ZFHX3: variants seen among roughly 807,000 people sequenced by gnomAD.
The protein encoded by ZFHX3 is zinc finger homeobox 3.
Under a neutral mutation model 279.1 loss-of-function variants are expected in ZFHX3, and 42 were observed. The observed-to-expected ratio is 0.15, with a 90% CI of 0.12 to 0.19. ZFHX3 has a LOEUF of 0.19. ZFHX3 is among the 10% of genes least tolerant of loss of function. ZFHX3 has a pLI of 1.00. For synonymous variants in ZFHX3, 2,293 were observed against 1,957.8 expected (o/e 1.17, Z -4.52); for missense variants, 4,981 against 4,754.0 (o/e 1.05, Z -1.40).
At chr16:73,879,879 T>C (rs567372407) in intron 1 of ZFHX3, among the ~76,000 whole-genome samples, 15 of 152,212 alleles carry the variant, frequency 9.9e-5, no homozygotes, top group African/African-American at 3.6e-4. Context: ...CATTGTTAGA[T>C]GTCCCCTGGG....
At chr16:73,135,306 A>T (rs1402958459) in intron 6 of ZFHX3, among the ~76,000 whole-genome samples, 2 of 152,250 alleles carry the variant, frequency 1.3e-5, no homozygotes, top group South Asian at 2.1e-4. Context: ...TTCATTCACC[A>T]GCTCAATATG....
At chr16:73,457,024 T>C (rs2018383706) in intron 2 of ZFHX3, among the ~76,000 whole-genome samples, 1 of 152,124 alleles carries the variant, frequency 6.6e-6, no homozygotes, top group African/African-American at 2.4e-5. Flanking sequence ...TGGAAGGAAA[T>C]CTACTGATTA....
At chr16:72,906,375 C>A (rs1219736347) in intron 3 of ZFHX3, among the ~76,000 whole-genome samples, 2 of 151,870 alleles carry the variant, frequency 1.3e-5, no homozygotes, top group Non-Finnish European at 2.9e-5. Context: ...GATGATCGCA[C>A]TGGGGGGGCA....
intron 3 of ZFHX3, among the ~76,000 whole-genome samples, chr16:72,917,649 C>A (rs191495171): frequency 6.6e-6 from 1 of 152,282 alleles, no homozygotes; most frequent in East Asian, 1.9e-4. Flanking sequence ...AAGATACACA[C>A]AGTATCATTT....
intron 1 of ZFHX3, among the ~76,000 whole-genome samples, chr16:73,824,023 G>C (rs1202479633): frequency 6.6e-6 from 1 of 152,174 alleles, no homozygotes; most frequent in African/African-American, 2.4e-5. Flanking sequence ...GACATCTCAA[G>C]TTGATTCCCT....
intron 1 of ZFHX3, among the ~76,000 whole-genome samples, chr16:73,682,904 A>AAGAAAG (rs2053031072): frequency 6.7e-5 from 3 of 44,758 alleles, no homozygotes; most frequent in African/African-American, 2.5e-4. Context: ...GAAAGAAAGA[A>AAGAAAG]AGAGAAAGAA....
At position 73,798,942 on chromosome 16, in the gene ZFHX3, T is replaced by G. The variant is rs144239473; in HGVS notation, c.-1608+92709A>C. 2.2e-3 allele frequency among the ~76,000 whole-genome samples: 333 copies of G among 152,314 alleles called. 5 individuals carry two copies. The highest frequency in any genetic ancestry group is 7.0e-3 in the African/African-American group (289 of 41,570). The stretch of plus-strand genomic sequence containing the variant: ...GGCTTCTTCAAATGTCCTGCTAACA[T>G]TAAATAATCAGAAACAGACTCCTAG... On this transcript the variant is annotated intron_variant, in intron 1 of 17. Transcript: ENST00000641206.
chr16:73,054,611 C>T (rs1314648141), intron 1 of ZFHX3, among the ~76,000 whole-genome samples: 1 of 151,842 alleles, frequency 6.6e-6, no homozygotes, highest in Admixed American at 6.6e-5. Flanking sequence ...AGAGACAATA[C>T]AGGGGAAGAG....
At chr16:73,614,204 T>G (rs149754257) in intron 2 of ZFHX3, among the ~76,000 whole-genome samples, 2 of 152,308 alleles carry the variant, frequency 1.3e-5, no homozygotes, top group Non-Finnish European at 1.5e-5. Context: ...GTATGTGATG[T>G]GTACGGGGCA....
chr16:73,040,802 T>C (rs900106616), intron 1 of ZFHX3, among the ~76,000 whole-genome samples: 2 of 152,244 alleles, frequency 1.3e-5, no homozygotes, highest in African/African-American at 2.4e-5. Flanking sequence ...CTTTTCAGTA[T>C]GTGAAGTGGT....
chr16:73,415,586 A>G (rs146538031), intron 3 of ZFHX3, among the ~76,000 whole-genome samples: 6 of 152,294 alleles, frequency 3.9e-5, no homozygotes, highest in South Asian at 4.1e-4. Context: ...ATTCCCTCCA[A>G]TGTATTTCTC....
intron 1 of ZFHX3, among the ~76,000 whole-genome samples, chr16:73,024,523 C>T (rs1597105086): frequency 6.6e-6 from 1 of 152,164 alleles, no homozygotes; most frequent in South Asian, 2.1e-4. Flanking sequence ...AATAAGCCCA[C>T]GTGAGTTGCA....
rs754061711 is a variant in ZFHX3, at chr16:72,787,731, GCCGCCACTGCCA to G, written c.10533_10544del (p.Ser3513_Gly3516del). 12 of 1,394,238 alleles carry G rather than the reference GCCGCCACTGCCA, an allele frequency of 8.6e-6. No homozygotes were observed. Among genetic ancestry groups the G allele is most frequent in the African/African-American group, 6.0e-5 (4 of 66,584 alleles). 86.4% of individuals were successfully genotyped at this position (1,394,238 alleles called of 1,614,324 possible). ...CGCCGCCGCCGCCACCGCCGCCGCC[GCCGCCACTGCCA>G]CCGCCGCCGCCGCCGGTGGGGACGT... On this transcript the variant is annotated inframe_deletion, in exon 10 of 10. Transcript: ENST00000268489.
chr16:72,923,745 A>C (rs75658354), intron 3 of ZFHX3, among the ~76,000 whole-genome samples: 1 of 132,826 alleles, frequency 7.5e-6, no homozygotes, highest in Non-Finnish European at 1.7e-5. Flanking sequence ...TAGATGAAGT[A>C]GATGAAGTGG....
rs559023246 is a variant in ZFHX3 at position 73,236,363 on chromosome 16, C to A, written c.-1104+20684G>T. On this transcript the variant is annotated intron_variant, in intron 5 of 17. Coordinates refer to the ZFHX3 transcript ENST00000641206. ...CTGTAATCCCAGCCCTTTGCAAGGCCGAGGCAGGTGGATCGCTTGAGATCA... is the reference window on the plus strand; with the variant it reads ...CTGTAATCCCAGCCCTTTGCAAGGCAGAGGCAGGTGGATCGCTTGAGATCA... 3.9e-5 allele frequency among the ~76,000 whole-genome samples: 6 copies of A among 152,274 alleles called. No homozygotes were observed. The East Asian group carries it at 1.2e-3, about 29-fold the overall frequency.
Position 72,812,007 on chromosome 16 carries a change from T to C in ZFHX3, c.3561A>G (p.Thr1187=), listed in dbSNP as rs779554491. 6.2e-7 allele frequency: 1 copy of C among 1,614,190 alleles called. No homozygotes were observed. The highest frequency in any genetic ancestry group is 8.5e-7 in the Non-Finnish European group (1 of 1,180,036). ...ASSSQAEKEL[T]DSPATSKRIS... ...TGCGTTTGGAGGTTGCAGGAGAATC[T>C]GTCAGCTCCTTCTCTGCTTGGCTGG... The change falls in exon 6 of 10, where the codon ACA becomes ACG. Residue 1187 remains threonine (T), a synonymous_variant. Transcript: ENST00000268489.
chr16:73,605,027 C>T (rs1344796436), intron 2 of ZFHX3, among the ~76,000 whole-genome samples: 1 of 152,168 alleles, frequency 6.6e-6, no homozygotes, highest in African/African-American at 2.4e-5. Flanking sequence ...AGACTAACTG[C>T]TATACCCCAG....
At chr16:73,539,332 C>T (rs959684791) in intron 2 of ZFHX3, among the ~76,000 whole-genome samples, 1 of 151,510 alleles carries the variant, frequency 6.6e-6, no homozygotes, top group African/African-American at 2.4e-5. Flanking sequence ...CGCGCCCACC[C>T]GCCTCTCCTG....
At chr16:73,606,486 C>CAAA (rs57861119) in intron 2 of ZFHX3, among the ~76,000 whole-genome samples, 1 of 133,792 alleles carries the variant, frequency 7.5e-6, no homozygotes, top group African/African-American at 2.8e-5. Context: ...GACTTTGTCT[C>CAAA]AAAAAAAAAA....
Sources: gnomAD v4.1 joint callset for allele counts (sites outside exome capture counted in the v4.1 genomes callset) on GRCh38, gnomAD v4.1.1 for gene constraint, MANE v1.5 for transcripts, NCBI Gene and HGNC (gene_info 2026-07-23, HGNC 2026-07-21) for gene names.